CHD1L: variants seen among roughly 807,000 people sequenced by gnomAD.
The protein encoded by CHD1L is chromodomain helicase DNA binding protein 1 like, also known as ATP-dependent chromatin remodeler CHD1L.
CHD1L carries 118 observed loss-of-function variants against 115.9 expected under a neutral mutation model. The ratio of observed to expected loss-of-function variants is 1.02; its 90% CI spans 0.88 to 1.19. The LOEUF (loss-of-function observed/expected upper bound fraction) is 1.19. Among genes scored for constraint, CHD1L ranks in the 50% most tolerant of loss-of-function variants. The probability of loss-of-function intolerance (pLI) is 0.00; values close to 1 mark genes in which losing one functional copy is unlikely to be tolerated. For missense variants in CHD1L, 1,179 were observed against 1,065.3 expected, an observed-to-expected ratio of 1.11 and a Z score of -1.49; for synonymous variants, 411 against 387.1, an observed-to-expected ratio of 1.06 and a Z score of -0.72.
chr1:147,276,367 TCCTTGG>T (rs1396607556), intron 14 of CHD1L, 110 bp downstream of exon 14: 2 of 1,146,852 alleles, frequency 1.7e-6, no homozygotes, highest in African/African-American at 3.1e-5. Flanking sequence ...ACACATTTGT[TCCTTGG>T]CCTCCCTCAC....
the CHD1L span, among the ~76,000 whole-genome samples, chr1:147,213,868 A>T: frequency 6.6e-6 from 1 of 152,026 alleles, no homozygotes. Context: ...TTCTTACCCT[A>T]GGTTCTCTTC....
intron 1 of CHD1L, among the ~76,000 whole-genome samples, chr1:147,250,143 G>A (rs1289743700): frequency 1.3e-5 from 2 of 151,876 alleles, no homozygotes; most frequent in African/African-American, 2.4e-5. Context: ...TTGTTCAAGT[G>A]CATTCATAAC....
At chr1:147,263,062 C>T (rs1672543247) in intron 6 of CHD1L, among the ~76,000 whole-genome samples, 2 of 151,800 alleles carry the variant, frequency 1.3e-5, no homozygotes, top group South Asian at 4.2e-4. Flanking sequence ...TGTGTATATA[C>T]ATATGTATGT....
At chr1:147,254,041 T>A (rs1371037304) in intron 2 of CHD1L, among the ~76,000 whole-genome samples, 1 of 152,226 alleles carries the variant, frequency 6.6e-6, no homozygotes, top group Non-Finnish European at 1.5e-5. Flanking sequence ...TTGAATTATA[T>A]CCTTAGGACA....
chr1:147,255,848 G>T lies in CHD1L; in HGVS notation c.383G>T (p.Gly128Val). Residue 128 changes from glycine (G) to valine (V), a missense_variant, in exon 4 of 23, where the codon GGC (glycine) becomes GTC (valine). Gly to Val is a moderately radical substitution (Grantham distance 109). Coordinates refer to ENST00000369258, the MANE Select transcript of CHD1L (RefSeq NM_004284.6). ...GGTCTTTCCTGTGTAACATATGCAGGCGACAAGGAGGAAAGAGCCTGCCTT... is the reference window on the plus strand; with the variant it reads ...GGTCTTTCCTGTGTAACATATGCAGTCGACAAGGAGGAAAGAGCCTGCCTT... ...APGLSCVTYA[G>V]DKEERACLQQ... 1 of 1,613,706 alleles carries T rather than the reference G, an allele frequency of 6.2e-7. No homozygotes were observed. Among genetic ancestry groups the T allele is most frequent in the Non-Finnish European group, 8.5e-7 (1 of 1,179,782 alleles).
chr1:147,240,589 C>G (rs186413194), upstream of CHD1L, among the ~76,000 whole-genome samples: 1 of 152,084 alleles, frequency 6.6e-6, no homozygotes, highest in East Asian at 1.9e-4. Context: ...AGGAAGGCAT[C>G]TGTCTCCTGC....
chr1:147,195,071 G>A, the CHD1L span, among the ~76,000 whole-genome samples: 1 of 152,020 alleles, frequency 6.6e-6, no homozygotes, highest in Admixed American at 6.6e-5. Flanking sequence ...CTAGATTGGG[G>A]AAGTTCTCCT....
At chr1:147,237,307 A>T in the CHD1L span, among the ~76,000 whole-genome samples, 1 of 152,124 alleles carries the variant, frequency 6.6e-6, no homozygotes, top group Non-Finnish European at 1.5e-5. Context: ...CCAGGTCTGC[A>T]GCTGTGGTTT....
In CHD1L at chr1:147,280,189, G is replaced by T. The variant is rs781830629; in HGVS notation, c.1703G>T (p.Gly568Val). ...GGAGGGAGCAGAGATCAAGAGGAAG[G>T]AAGTAAGTTGGAGGTTAGAGCAGAG... ...AEGGSRDQEEGKNHMYLFEGK... is the reference protein window; with the variant it reads ...AEGGSRDQEEVKNHMYLFEGK... Residue 568 changes from glycine to valine, a missense_variant and splice_region_variant, in exon 15 of 23, where the codon GGA becomes GTA. Transcript: ENST00000369258. 68 of 1,588,542 alleles carry T rather than the reference G, an allele frequency of 4.3e-5. No homozygotes were observed. The highest frequency in any genetic ancestry group is 4.7e-5 in the Non-Finnish European group (55 of 1,168,596).
At chr1:147,176,558 GAGGAGCACATGCT>G in the CHD1L span, among the ~76,000 whole-genome samples, 1 of 152,188 alleles carries the variant, frequency 6.6e-6, no homozygotes, top group Non-Finnish European at 1.5e-5. Flanking sequence ...CCCTGCTCTA[GAGGAGCACATGCT>G]CTGGAAATCT....
chr1:147,189,560 T>A, the CHD1L span, among the ~76,000 whole-genome samples: 2 of 152,140 alleles, frequency 1.3e-5, no homozygotes, highest in Non-Finnish European at 2.9e-5. Flanking sequence ...TTTAGAGACT[T>A]ACCATCAATT....
intron 1 of CHD1L, among the ~76,000 whole-genome samples, chr1:147,245,219 T>C (rs1553933120): frequency 6.6e-6 from 1 of 152,210 alleles, no homozygotes. Context: ...TGTAGTTTGG[T>C]TGTAAACGTG....
chr1:147,191,628 C>G, the CHD1L span, among the ~76,000 whole-genome samples: 2,049 of 146,434 alleles, frequency 0.014, 15 homozygotes, highest in South Asian at 0.035. Flanking sequence ...TTCCCATTTT[C>G]TTGGTTGCCT....
chr1:147,206,464 G>A, the CHD1L span, among the ~76,000 whole-genome samples: 5 of 152,116 alleles, frequency 3.3e-5, no homozygotes, highest in Non-Finnish European at 7.3e-5. Flanking sequence ...ACATGCACAC[G>A]TATGTTTATT....
chr1:147,227,546 A>T, the CHD1L span, among the ~76,000 whole-genome samples: 1 of 152,210 alleles, frequency 6.6e-6, no homozygotes, highest in Non-Finnish European at 1.5e-5. Context: ...CCTTGACTCA[A>T]ATGTTCTCTC....
chr1:147,189,647 A>C, the CHD1L span, among the ~76,000 whole-genome samples: 7 of 152,296 alleles, frequency 4.6e-5, no homozygotes, highest in African/African-American at 1.7e-4. Flanking sequence ...GATTGTGTTC[A>C]TCAAAACACT....
intron 10 of CHD1L, 49 bp downstream of exon 10, chr1:147,268,927 CCTGA>C (rs782447103): frequency 8.3e-5 from 120 of 1,444,116 alleles, no homozygotes; most frequent in Admixed American, 2.1e-4. Flanking sequence ...ACTGTTAAAA[CCTGA>C]CTATTGAGGA....
In CHD1L at chr1:147,276,160, G is replaced by C; in HGVS notation, c.1442G>C (p.Arg481Thr). The C allele has an allele frequency of 6.2e-7, 1 of 1,614,168 alleles. No homozygotes were observed. The highest frequency in any genetic ancestry group is 1.6e-4 in the Middle Eastern group (1 of 6,062). Residue 481 changes from arginine (R) to threonine (T), a missense_variant, in exon 14 of 23, where the codon AGG becomes ACG. Arg to Thr is a moderately conservative substitution (Grantham distance 71, BLOSUM62 -1). Coordinates refer to ENST00000369258, the MANE Select transcript of CHD1L (RefSeq NM_004284.6). Reference protein sequence around the residue: ...GRDTVEEIVYRKAASKLQLTN... With the variant: ...GRDTVEEIVYTKAASKLQLTN... ...GACACTGTGGAAGAAATAGTCTATA[G>C]GAAAGCAGCCTCCAAACTGCAGCTC...
intron 5 of CHD1L, 186 bp from the exon 6 acceptor site, chr1:147,259,651 C>A: frequency 4.2e-6 from 2 of 474,408 alleles, no homozygotes; most frequent in East Asian, 3.2e-5. Flanking sequence ...CTTGGTTTTA[C>A]TACCTTATCC....
Sources: allele counts gnomAD v4.1 joint callset (sites outside exome capture counted in the v4.1 genomes callset), GRCh38; gene constraint gnomAD v4.1.1; transcripts MANE v1.5; gene names NCBI Gene and HGNC (gene_info 2026-07-23, HGNC 2026-07-21).